The following MAP2K5 variants were observed in gnomAD, a reference collection of about 807,000 sequenced individuals.
MAP2K5 encodes the protein dual specificity mitogen-activated protein kinase kinase 5.
In MAP2K5, 49 loss-of-function variants were observed where a neutral mutation model predicts 83.1. That is an observed-to-expected ratio of 0.59 (90% CI 0.47 to 0.75). The LOEUF is 0.75. Ranked by LOEUF, MAP2K5 falls within the 30% of genes least tolerant of loss-of-function variation. The pLI, the probability that MAP2K5 is intolerant of heterozygous loss-of-function variation, is 0.00. For synonymous variants in MAP2K5, 202 were observed against 191.8 expected (o/e 1.05, Z -0.44); for missense variants, 457 against 557.5 (o/e 0.82, Z 1.82).
chr15:67,684,133 G>A (rs7166903), intron 13 of MAP2K5, among the ~76,000 whole-genome samples: 4,918 of 152,278 alleles, frequency 0.032, 97 homozygotes, highest in African/African-American at 0.041. Context: ...GTTCCCTTGC[G>A]TCTGGCCTAA....
chr15:67,767,869 T>C (rs1476394136), intron 19 of MAP2K5, among the ~76,000 whole-genome samples: 1 of 152,196 alleles, frequency 6.6e-6, no homozygotes, highest in Non-Finnish European at 1.5e-5. Flanking sequence ...GGCAAGATTT[T>C]ATTTCACTCC....
chr15:67,602,789 G>A (rs973177581), intron 8 of MAP2K5, among the ~76,000 whole-genome samples: 8 of 152,214 alleles, frequency 5.3e-5, no homozygotes, highest in Admixed American at 2.0e-4. Context: ...AAGCAGTTGG[G>A]ATTACAGGCG....
At position 67,702,500 on chromosome 15, in the gene MAP2K5, G is replaced by A. The variant is rs1411542703; in HGVS notation, c.973-837G>A. Reference sequence around the variant, plus strand: ...AACCTTTAGCAATCATTCCACCTTTGTGAGACCTCCGTTTCTCTTATTCAT... The same window carrying A: ...AACCTTTAGCAATCATTCCACCTTTATGAGACCTCCGTTTCTCTTATTCAT... On this transcript the variant is annotated intron_variant, in intron 15 of 21. Transcript: ENST00000178640. The surrounding 1 kb of genome is among the most constrained non-coding windows in gnomAD (Gnocchi z 4.6). Among the ~76,000 whole-genome samples the A allele has an allele frequency of 6.6e-6, 1 of 152,136 alleles. No individual in the cohort carries two copies. Among genetic ancestry groups the A allele is most frequent in the Non-Finnish European group, 1.5e-5 (1 of 68,030 alleles).
intron 13 of MAP2K5, among the ~76,000 whole-genome samples, chr15:67,671,631 A>T (rs2087537567): frequency 6.6e-6 from 1 of 152,004 alleles, no homozygotes. Flanking sequence ...CACAACTTGG[A>T]TGGAAAGCAA....
intron 19 of MAP2K5, among the ~76,000 whole-genome samples, chr15:67,752,754 AC>A (rs1327917198): frequency 6.6e-6 from 1 of 152,102 alleles, no homozygotes; most frequent in Non-Finnish European, 1.5e-5. Context: ...TAATATTGTT[AC>A]GATGGAAATA....
Position 67,738,499 on chromosome 15 carries a change from A to G in MAP2K5, c.1075-9732A>G, listed in dbSNP as rs1219243767. Among the ~76,000 whole-genome samples the G allele has an allele frequency of 6.6e-6, 1 of 152,212 alleles. No individual in the cohort carries two copies. On this transcript the variant is annotated intron_variant, in intron 17 of 21. Coordinates refer to ENST00000178640, the MANE Select transcript of MAP2K5 (RefSeq NM_145160.3). The surrounding 1 kb of genome is among the most constrained non-coding windows in gnomAD (Gnocchi z 4.1). ...AGTGACAAATTAAGTCACTGACAGT[A>G]TATGATTTCTACCCAAACATACGCA...
Position 67,658,533 on chromosome 15 carries a change from T to C in MAP2K5, c.737-20T>C. On this transcript the variant is annotated intron_variant, in intron 11 of 21. Coordinates refer to ENST00000178640, the MANE Select transcript of MAP2K5 (RefSeq NM_145160.3). ...TCTGGTAATTTCATTTGTAGTAACA[T>C]GGCATGTTTATCTCTACAGGGGGAT... 2 of 1,597,376 alleles carry C rather than the reference T, an allele frequency of 1.3e-6. No individual in the cohort carries two copies. The highest frequency in any genetic ancestry group is 1.7e-6 in the Non-Finnish European group (2 of 1,165,204).
At position 67,781,941 on chromosome 15, in the gene MAP2K5, A is replaced by AT. The variant is rs1308368648; in HGVS notation, c.1242+9194dup. 1.3e-5 allele frequency among the ~76,000 whole-genome samples: 2 copies of AT among 152,200 alleles called. No homozygotes were observed. The highest frequency in any genetic ancestry group is 2.9e-5 in the Non-Finnish European group (2 of 68,036). On this transcript the variant is annotated intron_variant, in intron 21 of 21. Coordinates refer to ENST00000178640, the MANE Select transcript of MAP2K5 (RefSeq NM_145160.3). The surrounding 1 kb of genome is among the most constrained non-coding windows in gnomAD (Gnocchi z 4.0). ...CCACTTAAGAGGGCTGTGCTGAAAC[A>AT]TTTTTAATTGGATTTTCATGGTGAT... is the stretch of plus-strand genomic sequence containing the variant.
At chr15:67,710,497 G>GTTTTTTTTTTTTTTTTTTTTTTTTTTTTT (rs10609519) in intron 16 of MAP2K5, among the ~76,000 whole-genome samples, 1 of 81,012 alleles carries the variant, frequency 1.2e-5, no homozygotes. Flanking sequence ...ATCTTCTGAA[G>GTTTTTTTTTTTTTTTTTTTTTTTTTTTTT]TTTTTTTTTT....
At chr15:67,633,970 G>A (rs908944988) in intron 9 of MAP2K5, among the ~76,000 whole-genome samples, 12 of 152,070 alleles carry the variant, frequency 7.9e-5, no homozygotes, top group African/African-American at 2.4e-4. Flanking sequence ...TTCCATTGTG[G>A]TTCCAGAACA....
chr15:67,692,147 C>T (rs2088129161), intron 13 of MAP2K5, among the ~76,000 whole-genome samples: 1 of 152,122 alleles, frequency 6.6e-6, no homozygotes, highest in Admixed American at 6.6e-5. Context: ...AAGAAGATTA[C>T]ATTTTCTTAT....
intron 16 of MAP2K5, among the ~76,000 whole-genome samples, chr15:67,710,751 G>C (rs1308995971): frequency 2.0e-5 from 3 of 152,046 alleles, no homozygotes; most frequent in African/African-American, 7.2e-5. Flanking sequence ...TGATCCACCC[G>C]CCTTGGCCTC....
chr15:67,656,178 A>G (rs1210914805), intron 11 of MAP2K5, among the ~76,000 whole-genome samples: 1 of 152,194 alleles, frequency 6.6e-6, no homozygotes, highest in African/African-American at 2.4e-5. Flanking sequence ...ATGAGTTTCT[A>G]AATGCCTTGG....
rs1416286936 is a variant in MAP2K5, at chr15:67,778,769, A to G, written c.1242+6017A>G. Among the ~76,000 whole-genome samples, 1 of 152,162 alleles carries G rather than the reference A, an allele frequency of 6.6e-6. No individual in the cohort carries two copies. Among genetic ancestry groups the G allele is most frequent in the African/African-American group, 2.4e-5 (1 of 41,420 alleles). On this transcript the variant is annotated intron_variant, in intron 21 of 21. Coordinates refer to ENST00000178640, the MANE Select transcript of MAP2K5 (RefSeq NM_145160.3). The surrounding 1 kb of genome is among the most constrained non-coding windows in gnomAD (Gnocchi z 5.0). ...CCACATTCTACTAAACATGCCAAAGATAAGTTTCGGTTTACTTTGATCCGG... is the reference window on the plus strand; with the variant it reads ...CCACATTCTACTAAACATGCCAAAGGTAAGTTTCGGTTTACTTTGATCCGG...
At chr15:67,733,044 C>T (rs1471985266) in intron 17 of MAP2K5, among the ~76,000 whole-genome samples, 1 of 152,188 alleles carries the variant, frequency 6.6e-6, no homozygotes, top group African/African-American at 2.4e-5. Context: ...ACATCCTAGG[C>T]AGTCTGAGTG....
At chr15:67,741,418 G>A (rs149503108) in intron 17 of MAP2K5, among the ~76,000 whole-genome samples, 17 of 152,316 alleles carry the variant, frequency 1.1e-4, no homozygotes, top group Non-Finnish European at 1.9e-4. Flanking sequence ...TTCCTTCACA[G>A]ACCAAGAATG....
chr15:67,662,144 G>T (rs1221346701), intron 12 of MAP2K5, among the ~76,000 whole-genome samples: 2 of 151,986 alleles, frequency 1.3e-5, no homozygotes, highest in Non-Finnish European at 2.9e-5. Flanking sequence ...ATCTATGTTA[G>T]CAAATCTTTC....
In MAP2K5 at chr15:67,747,925, G is replaced by A. The variant is rs1470649492; in HGVS notation, c.1075-306G>A. Among the ~76,000 whole-genome samples, 2 of 152,182 alleles carry A rather than the reference G, an allele frequency of 1.3e-5. No homozygotes were observed. The highest frequency in any genetic ancestry group is 2.9e-5 in the Non-Finnish European group (2 of 68,042). ...CATTAAGCCCAGTGTTCACAATCTA[G>A]CAATATAAAACATTATTTATATCTG... On this transcript the variant is annotated intron_variant, in intron 17 of 21. Coordinates refer to ENST00000178640, the MANE Select transcript of MAP2K5 (RefSeq NM_145160.3). The surrounding 1 kb of genome is among the most constrained non-coding windows in gnomAD (Gnocchi z 4.1).
At chr15:67,592,433 C>A (rs1011841632) in intron 6 of MAP2K5, among the ~76,000 whole-genome samples, 1 of 152,140 alleles carries the variant, frequency 6.6e-6, no homozygotes, top group Admixed American at 6.5e-5. Context: ...GATCACACAG[C>A]TAGTGAATAC....
Sources: gnomAD v4.1 joint callset for allele counts (sites outside exome capture counted in the v4.1 genomes callset) on GRCh38, gnomAD v4.1.1 for gene constraint, Gnocchi (gnomAD v3.1) non-coding constraint, MANE v1.5 for transcripts, NCBI Gene and HGNC (gene_info 2026-07-23, HGNC 2026-07-21) for gene names.